CFAP58: variants seen among roughly 807,000 people sequenced by gnomAD.
CFAP58 encodes the protein cilia- and flagella-associated protein 58.
A neutral mutation model predicts 119.5 loss-of-function variants in CFAP58; 88 were observed. The ratio of observed to expected loss-of-function variants is 0.74; its 90% confidence interval spans 0.62 to 0.88. The LOEUF (loss-of-function observed/expected upper bound fraction) is 0.88, where lower values mean the gene tolerates loss of function less well. Among genes scored for constraint, CFAP58 ranks in the 40% least tolerant of loss-of-function variants. CFAP58 has a pLI of 0.00. For synonymous variants in CFAP58, 365 were observed against 366.3 expected, an observed-to-expected ratio of 1.00 and a Z score of 0.04; for missense variants, 990 against 1,021.2, an observed-to-expected ratio of 0.97 and a Z score of 0.42.
chr10:104,389,587 G>C (rs532778430), intron 9 of CFAP58, among the ~76,000 whole-genome samples: 13 of 152,160 alleles, frequency 8.5e-5, no homozygotes, highest in African/African-American at 3.1e-4. Flanking sequence ...CATAACACTT[G>C]GTGCATATCT....
Position 104,451,895 on chromosome 10 carries a change from AT to A in CFAP58, c.2510+1706del, listed in dbSNP as rs57385012. Among the ~76,000 whole-genome samples the A allele has an allele frequency of 7.9e-3, 1,130 of 143,796 alleles. 7 individuals are homozygous for A. The highest frequency in any genetic ancestry group is 0.022 in the African/African-American group (868 of 39,330). The allele number at this position is 143,796 out of a possible 152,430, so 94.3% of individuals were successfully genotyped here. On this transcript the variant is annotated intron_variant, in intron 17 of 17. Transcript: ENST00000369704. ...AAGCATGCACCAACATGCCCAGCTAATTTTTTTTTTTTTTTGTATTTTTAGT... is the reference window on the plus strand; with the variant it reads ...AAGCATGCACCAACATGCCCAGCTAATTTTTTTTTTTTTTGTATTTTTAGT...
Position 104,454,491 on chromosome 10 carries a change from G to A in CFAP58, c.2580G>A (p.Gly860=). The change falls in exon 18 of 18, where the codon GGG becomes GGA. Residue 860 remains glycine, a synonymous_variant. Coordinates refer to ENST00000369704, the MANE Select transcript of CFAP58 (RefSeq NM_001008723.2). ...AACCAAATGGTCCTGGTTTTACTGG[G>A]GGCGGATTTCCTCTCAGGTCAACCA... is the stretch of plus-strand genomic sequence containing the variant. ...MVKPNGPGFT[G]GGFPLRSTKM... 1.2e-6 allele frequency: 2 copies of A among 1,613,806 alleles called. No individual in the cohort carries two copies. The highest frequency in any genetic ancestry group is 1.7e-6 in the Non-Finnish European group (2 of 1,179,822).
chr10:104,449,420 C>A (rs542422468), intron 16 of CFAP58, among the ~76,000 whole-genome samples: 1 of 152,150 alleles, frequency 6.6e-6, no homozygotes, highest in African/African-American at 2.4e-5. Flanking sequence ...CTTTGGCATG[C>A]GCTATGTCCT....
chr10:104,408,765 C>T (rs2012407520), intron 15 of CFAP58, among the ~76,000 whole-genome samples: 1 of 152,114 alleles, frequency 6.6e-6, no homozygotes, highest in Admixed American at 6.6e-5. Flanking sequence ...TCAGTCTTCT[C>T]TTCTAATATA....
intron 1 of CFAP58, among the ~76,000 whole-genome samples, chr10:104,358,008 C>CACATATATGT (rs1250053572): frequency 7.7e-6 from 1 of 130,556 alleles, no homozygotes; most frequent in Admixed American, 7.4e-5. Context: ...CACATATATA[C>CACATATATGT]ACATATATGT....
In CFAP58 at chr10:104,447,712, C is replaced by G. The variant is rs148324034; in HGVS notation, c.2271C>G (p.Leu757=). 4.3e-4 allele frequency: 694 copies of G among 1,613,982 alleles called. No individual in the cohort carries two copies. The highest frequency in any genetic ancestry group is 5.3e-4 in the Non-Finnish European group (630 of 1,180,014). The part of the protein sequence containing the change: ...KELLLQEKEK[L]YMELKHVLAR... The stretch of plus-strand genomic sequence containing the variant: ...CTCTCCACTAGGAAAAGGAGAAACT[C>G]TACATGGAACTAAAGCACGTCTTGG... The change falls in exon 16 of 18, where the codon CTC becomes CTG. Residue 757 remains leucine (L), a synonymous_variant. Transcript: ENST00000369704.
upstream of CFAP58, chr10:104,353,824 T>A: frequency 7.0e-6 from 11 of 1,563,258 alleles, no homozygotes. Context: ...CGCCTTTAGC[T>A]TCTTTCCCAG....
chr10:104,408,583 C>A (rs1232991321), intron 15 of CFAP58, among the ~76,000 whole-genome samples: 1 of 152,226 alleles, frequency 6.6e-6, no homozygotes, highest in Non-Finnish European at 1.5e-5. Flanking sequence ...TCTGTTATCA[C>A]CACTTTGTTA....
chr10:104,396,055 T>C (rs11192039), intron 11 of CFAP58, among the ~76,000 whole-genome samples: 26,205 of 152,180 alleles, frequency 0.17, 2,358 homozygotes, highest in Middle Eastern at 0.34. Context: ...TGTGACAGGA[T>C]GTCAGTAGTT....
intron 1 of CFAP58, among the ~76,000 whole-genome samples, chr10:104,354,957 C>A (rs1184224518): frequency 6.6e-6 from 1 of 152,056 alleles, no homozygotes; most frequent in African/African-American, 2.4e-5. Flanking sequence ...CACATCCCCT[C>A]ATCATTGCTT....
intron 15 of CFAP58, among the ~76,000 whole-genome samples, chr10:104,433,018 T>C (rs377593853): frequency 2.0e-5 from 3 of 152,206 alleles, no homozygotes; most frequent in African/African-American, 4.8e-5. Flanking sequence ...AGGTTAAAGA[T>C]GGCTTTGCCT....
chr10:104,380,306 A>AATCTGAATAAATTCTC, intron 9 of CFAP58, 86 bp downstream of exon 9: 1 of 1,193,862 alleles, frequency 8.4e-7, no homozygotes, highest in African/African-American at 1.5e-5. Context: ...TGCAAAGAGA[A>AATCTGAATAAATTCTC]TTTATTCAGA....
intron 1 of CFAP58, among the ~76,000 whole-genome samples, chr10:104,357,936 CATATATGTACACAT>C (rs1403274592): frequency 6.3e-5 from 7 of 111,418 alleles, no homozygotes; most frequent in African/African-American, 3.2e-4. Context: ...CATATACACA[CATATATGTACACAT>C]ATATACACAT....
At chr10:104,406,667 T>C (rs1313374686) in intron 14 of CFAP58, 22 bp from the exon 15 acceptor site, 6 of 1,595,882 alleles carry the variant, frequency 3.8e-6, no homozygotes, top group South Asian at 1.1e-5. Flanking sequence ...TCTCAGCTGC[T>C]ATTGTTGTTC....
chr10:104,363,574 T>C (rs2014701060), intron 3 of CFAP58, among the ~76,000 whole-genome samples: 1 of 152,184 alleles, frequency 6.6e-6, no homozygotes, highest in Non-Finnish European at 1.5e-5. Context: ...CTGATTCAGA[T>C]ACGAGACAAG....
intron 1 of CFAP58, among the ~76,000 whole-genome samples, chr10:104,357,818 CATATAT>C (rs1491533005): frequency 6.9e-6 from 1 of 145,658 alleles, no homozygotes; most frequent in South Asian, 2.2e-4. Context: ...TATATATGTA[CATATAT>C]ACACATATAT....
chr10:104,344,371 C>G, the CFAP58 span, among the ~76,000 whole-genome samples: 27 of 152,302 alleles, frequency 1.8e-4, no homozygotes, highest in Admixed American at 5.2e-4. Flanking sequence ...CAGGAGTTGG[C>G]AAACTATGGC....
intron 13 of CFAP58, among the ~76,000 whole-genome samples, chr10:104,402,589 C>G (rs2012284813): frequency 6.6e-6 from 1 of 152,204 alleles, no homozygotes; most frequent in Admixed American, 6.5e-5. Flanking sequence ...GGGCGACAGC[C>G]AGCTCGCAAC....
At chr10:104,374,266 C>G (rs190200799) in intron 7 of CFAP58, among the ~76,000 whole-genome samples, 1,580 of 150,906 alleles carry the variant, frequency 0.01, 35 homozygotes, top group African/African-American at 0.037. Context: ...CTGAGACCAG[C>G]CTGGGCAATA....
Sources: allele counts gnomAD v4.1 joint callset (sites outside exome capture counted in the v4.1 genomes callset), GRCh38; gene constraint gnomAD v4.1.1; transcripts MANE v1.5; gene names NCBI Gene and HGNC (gene_info 2026-07-23, HGNC 2026-07-21).